The following RNLS variants were observed in gnomAD, a reference collection of about 807,000 sequenced individuals.
RNLS encodes the protein renalase, FAD dependent amine oxidase.
In RNLS, 39 loss-of-function variants were observed where a neutral mutation model predicts 39.8. The observed-to-expected ratio is 0.98, with a 90% CI of 0.76 to 1.28. RNLS has a LOEUF of 1.28. Among genes scored for constraint, RNLS ranks in the 50% most tolerant of loss-of-function variants. The pLI, the probability that RNLS is intolerant of heterozygous loss-of-function variation, is 0.00. For missense variants in RNLS, 410 were observed against 413.3 expected, an observed-to-expected ratio of 0.99 and a Z score of 0.07; for synonymous variants, 147 against 150.7, an observed-to-expected ratio of 0.98 and a Z score of 0.18.
At chr10:88,235,267 C>CA in the RNLS span, among the ~76,000 whole-genome samples, 38,571 of 61,972 alleles carry the variant, frequency 0.62, 12,576 homozygotes, top group Non-Finnish European at 0.7. Flanking sequence ...GACTCTATCT[C>CA]AAAAAAAAAA....
Position 88,284,197 on chromosome 10 carries a change from G to A in RNLS, c.*1157C>T. The stretch of plus-strand genomic sequence containing the variant: ...ACCCACTTTGCAGCTATAGAAGCAA[G>A]TTCTGCCTGTGCCTGTGTATGTGTA... On this transcript the variant is annotated 3_prime_UTR_variant, in exon 7 of 7. Coordinates refer to ENST00000331772, the MANE Select transcript of RNLS (RefSeq NM_001031709.3). The A allele has an allele frequency of 1.0e-6, 1 of 985,264 alleles. No individual in the cohort carries two copies. Among genetic ancestry groups the A allele is most frequent in the South Asian group, 4.7e-5 (1 of 21,278 alleles). The allele number at this position is 985,264 out of a possible 1,614,324, so 61.0% of individuals were successfully genotyped here.
intron 6 of RNLS, chr10:88,275,179 G>C (rs1842767343): frequency 1.8e-6 from 1 of 541,698 alleles, no homozygotes; most frequent in Admixed American, 3.1e-5. Context: ...AGGTGGTCTT[G>C]CTAACTTTTT....
intron 4 of RNLS, among the ~76,000 whole-genome samples, chr10:88,434,113 C>T (rs1433087683): frequency 6.6e-6 from 1 of 152,106 alleles, no homozygotes; most frequent in Non-Finnish European, 1.5e-5. Context: ...TGCACAACTA[C>T]CTTAAAACAA....
the RNLS span, among the ~76,000 whole-genome samples, chr10:88,179,267 G>A: frequency 6.6e-6 from 1 of 152,298 alleles, no homozygotes; most frequent in African/African-American, 2.4e-5. Context: ...AAGTCCTGAA[G>A]GAAGTGAGAT....
the RNLS span, among the ~76,000 whole-genome samples, chr10:88,184,763 G>A: frequency 6.6e-6 from 1 of 152,140 alleles, no homozygotes; most frequent in Non-Finnish European, 1.5e-5. Flanking sequence ...TGATATTCAA[G>A]TTTATTGCTA....
At chr10:88,380,777 C>T (rs1241062012) in intron 4 of RNLS, among the ~76,000 whole-genome samples, 1 of 152,106 alleles carries the variant, frequency 6.6e-6, no homozygotes, top group Non-Finnish European at 1.5e-5. Context: ...TTTTCTTATT[C>T]ATCATAAGAT....
the RNLS span, among the ~76,000 whole-genome samples, chr10:88,242,574 A>G: frequency 1.3e-5 from 2 of 152,026 alleles, no homozygotes; most frequent in African/African-American, 4.8e-5. Context: ...TCATCTAGGA[A>G]CTTAAACTTT....
chr10:88,375,850 G>C (rs1220820360), intron 4 of RNLS, among the ~76,000 whole-genome samples: 1 of 152,104 alleles, frequency 6.6e-6, no homozygotes, highest in African/African-American at 2.4e-5. Context: ...ATAAAATATG[G>C]GATTGGAAGA....
At chr10:88,443,694 T>C (rs1841863838) in intron 4 of RNLS, among the ~76,000 whole-genome samples, 1 of 152,236 alleles carries the variant, frequency 6.6e-6, no homozygotes, top group Non-Finnish European at 1.5e-5. Context: ...GAGGGTCCCA[T>C]GCCCACAGAG....
At position 88,484,465 on chromosome 10, in the gene RNLS, G is replaced by A. The variant is rs184186601; in HGVS notation, c.526+88438C>T. On this transcript the variant is annotated intron_variant, in intron 4 of 6. Coordinates refer to ENST00000331772, the MANE Select transcript of RNLS (RefSeq NM_001031709.3). ...GAGGAACACAGAATGGGGACAGGAAGGATAAGTGAAATCCCTAAACACAGC... is the reference window on the plus strand; with the variant it reads ...GAGGAACACAGAATGGGGACAGGAAAGATAAGTGAAATCCCTAAACACAGC... 1.1e-4 allele frequency among the ~76,000 whole-genome samples: 17 copies of A among 152,066 alleles called. No homozygotes were observed. The East Asian group carries it at 2.7e-3, about 24-fold the overall frequency.
chr10:88,395,698 C>T (rs1852517389), intron 4 of RNLS, among the ~76,000 whole-genome samples: 1 of 152,014 alleles, frequency 6.6e-6, no homozygotes, highest in Non-Finnish European at 1.5e-5. Context: ...ATGGCTAAAA[C>T]TTTCCAGTTT....
chr10:88,538,361 A>G (rs558532503), intron 4 of RNLS, among the ~76,000 whole-genome samples: 1 of 152,256 alleles, frequency 6.6e-6, no homozygotes, highest in African/African-American at 2.4e-5. Flanking sequence ...AATCAAATCC[A>G]CAAGTATTCT....
rs549095493 is a variant in RNLS at position 88,447,890 on chromosome 10, A to G, written c.527-85165T>C. ...CCATCTGATCTTTGACAAACCTGAC[A>G]AAAACAAGAAATGGGGAAAGGATTC... On this transcript the variant is annotated intron_variant, in intron 4 of 6. Coordinates refer to ENST00000331772, the MANE Select transcript of RNLS (RefSeq NM_001031709.3). 1.6e-4 allele frequency among the ~76,000 whole-genome samples: 25 copies of G among 152,344 alleles called. No homozygotes were observed. The East Asian group carries it at 4.6e-3, about 28-fold the overall frequency.
chr10:88,453,302 G>T (rs1010501221), intron 4 of RNLS, among the ~76,000 whole-genome samples: 1 of 152,208 alleles, frequency 6.6e-6, no homozygotes, highest in African/African-American at 2.4e-5. Flanking sequence ...CATATGTTCA[G>T]CTCAAGAAAA....
chr10:88,256,163 T>C, the RNLS span, among the ~76,000 whole-genome samples: 7 of 151,956 alleles, frequency 4.6e-5, no homozygotes, highest in African/African-American at 1.5e-4. Flanking sequence ...ATTGATCTTG[T>C]GGCAACTCAG....
intron 4 of RNLS, among the ~76,000 whole-genome samples, chr10:88,527,451 A>G (rs560167211): frequency 2.0e-5 from 3 of 152,262 alleles, no homozygotes; most frequent in Non-Finnish European, 4.4e-5. Context: ...TGCCCTGGGG[A>G]GGGGCTTTGT....
chr10:88,225,444 G>T, the RNLS span, among the ~76,000 whole-genome samples: 1 of 152,206 alleles, frequency 6.6e-6, no homozygotes, highest in Non-Finnish European at 1.5e-5. Flanking sequence ...GCTGGGTGCG[G>T]TAGCTTACAC....
At chr10:88,519,584 C>T (rs1846596913) in intron 4 of RNLS, among the ~76,000 whole-genome samples, 1 of 151,120 alleles carries the variant, frequency 6.6e-6, no homozygotes, top group Non-Finnish European at 1.5e-5. Context: ...CCTGACCCTA[C>T]CTATTAAAAT....
intron 5 of RNLS, among the ~76,000 whole-genome samples, chr10:88,315,739 T>G (rs1845711590): frequency 2.3e-5 from 1 of 43,124 alleles, no homozygotes; most frequent in Admixed American, 2.2e-4. Context: ...ACATTTCAGG[T>G]TTTTTTTTTT....
Sources: allele counts gnomAD v4.1 joint callset (sites outside exome capture counted in the v4.1 genomes callset), GRCh38; gene constraint gnomAD v4.1.1; transcripts MANE v1.5; gene names NCBI Gene and HGNC (gene_info 2026-07-23, HGNC 2026-07-21).